The following RBFOX1 variants were observed in gnomAD, a reference collection of about 807,000 sequenced individuals.
RBFOX1 encodes the protein RNA binding protein fox-1 homolog 1.
In RBFOX1, 8 loss-of-function variants were observed where a neutral mutation model predicts 57.7. That is an observed-to-expected ratio of 0.14 (90% confidence interval 0.08 to 0.25). The LOEUF is 0.25. Among genes scored for constraint, RBFOX1 ranks in the 10% least tolerant of loss-of-function variants. RBFOX1 has a pLI of 1.00. For synonymous variants in RBFOX1, 326 were observed against 222.4 expected, an observed-to-expected ratio of 1.47 and a Z score of -4.15; for missense variants, 611 against 548.5, an observed-to-expected ratio of 1.11 and a Z score of -1.14.
chr16:7,415,968 T>C (rs748915164), intron 4 of RBFOX1, among the ~76,000 whole-genome samples: 1 of 152,164 alleles, frequency 6.6e-6, no homozygotes, highest in Non-Finnish European at 1.5e-5. Context: ...AAGTGAAACT[T>C]AGGACTGTCT....
intron 3 of RBFOX1, among the ~76,000 whole-genome samples, chr16:6,837,499 C>A (rs1039742870): frequency 6.6e-6 from 1 of 152,140 alleles, no homozygotes; most frequent in African/African-American, 2.4e-5. Flanking sequence ...TGAACATAAC[C>A]ATGTCCTATG....
chr16:6,697,261 C>A (rs2061193925), intron 3 of RBFOX1, among the ~76,000 whole-genome samples: 2 of 152,090 alleles, frequency 1.3e-5, no homozygotes, highest in African/African-American at 4.8e-5. Context: ...TTTAAATTTT[C>A]TGCATCTTAA....
intron 4 of RBFOX1, among the ~76,000 whole-genome samples, chr16:7,223,599 G>A (rs1434060950): frequency 6.6e-6 from 1 of 151,638 alleles, no homozygotes; most frequent in East Asian, 1.9e-4. Flanking sequence ...ATCCACCTCA[G>A]CTTAACTGCC....
chr16:6,962,159 C>G (rs1041042011), intron 3 of RBFOX1, among the ~76,000 whole-genome samples: 3 of 152,168 alleles, frequency 2.0e-5, no homozygotes, highest in Non-Finnish European at 4.4e-5. Context: ...TCCCTCCTTT[C>G]TACTTCCAAA....
In RBFOX1 at chr16:7,712,763, T is replaced by TC. The variant is rs1172450481; in HGVS notation, c.*2020dup. On this transcript the variant is annotated 3_prime_UTR_variant, in exon 16 of 16. Coordinates refer to ENST00000550418, the MANE Select transcript of RBFOX1 (RefSeq NM_018723.4). ...AACGAATTATTAAAACACTATGACA[T>TC]CCTCCAGAGGGAAGAAAGAGTAGGA... 2 of 152,064 alleles carry TC rather than the reference T, an allele frequency of 1.3e-5. No homozygotes were observed. Among genetic ancestry groups the TC allele is most frequent in the African/African-American group, 4.8e-5 (2 of 41,392 alleles). 9.4% of individuals were successfully genotyped at this position (152,064 alleles called of 1,614,324 possible).
At chr16:6,944,487 A>G (rs1047749706) in intron 3 of RBFOX1, among the ~76,000 whole-genome samples, 1 of 152,098 alleles carries the variant, frequency 6.6e-6, no homozygotes, top group African/African-American at 2.4e-5. Flanking sequence ...ATCTCCACAT[A>G]GGTGACAGTG....
chr16:7,324,370 G>GGGTCCT (rs71391621), intron 4 of RBFOX1, among the ~76,000 whole-genome samples: 6,451 of 152,216 alleles, frequency 0.042, 162 homozygotes, highest in South Asian at 0.076. Flanking sequence ...AGCTCCTGTA[G>GGGTCCT]GGTCCTGGAG....
At chr16:6,075,810 A>G (rs1486726964) in intron 1 of RBFOX1, among the ~76,000 whole-genome samples, 1 of 152,234 alleles carries the variant, frequency 6.6e-6, no homozygotes, top group African/African-American at 2.4e-5. Flanking sequence ...AATTAACTGT[A>G]ACTATCTCAA....
chr16:5,542,940 A>G (rs59189370), intron 2 of RBFOX1, among the ~76,000 whole-genome samples: 43,777 of 152,114 alleles, frequency 0.29, 7,010 homozygotes, highest in Non-Finnish European at 0.36. Flanking sequence ...GTGCTCAGTC[A>G]TGGCTGAGAA....
intron 2 of RBFOX1, among the ~76,000 whole-genome samples, chr16:6,566,463 T>A (rs975264716): frequency 6.6e-6 from 1 of 152,200 alleles, no homozygotes; most frequent in African/African-American, 2.4e-5. Context: ...GAGCCTAGTT[T>A]GAAATGTTGG....
intron 3 of RBFOX1, among the ~76,000 whole-genome samples, chr16:6,753,796 G>T (rs2075348590): frequency 6.6e-6 from 1 of 152,134 alleles, no homozygotes. Context: ...CACAGCTGAG[G>T]CTGTTGCCTG....
intron 1 of RBFOX1, among the ~76,000 whole-genome samples, chr16:5,464,452 C>T (rs953471578): frequency 6.6e-6 from 1 of 152,220 alleles, no homozygotes. Context: ...AAGGGAGAGT[C>T]ACTGGAGAGC....
chr16:5,523,079 A>T (rs907834716), intron 2 of RBFOX1, among the ~76,000 whole-genome samples: 1 of 152,090 alleles, frequency 6.6e-6, no homozygotes, highest in Non-Finnish European at 1.5e-5. Context: ...CAAGGTCAGG[A>T]GTTCGAGACT....
At chr16:5,995,771 G>A (rs912137083) in intron 4 of RBFOX1, among the ~76,000 whole-genome samples, 3 of 152,150 alleles carry the variant, frequency 2.0e-5, no homozygotes, top group African/African-American at 7.2e-5. Context: ...CCATAAATAG[G>A]GTAGGGAGGG....
intron 4 of RBFOX1, among the ~76,000 whole-genome samples, chr16:7,412,147 A>G (rs2098435314): frequency 6.6e-6 from 1 of 152,116 alleles, no homozygotes; most frequent in Non-Finnish European, 1.5e-5. Context: ...ATAATAGTGA[A>G]AATTGGCTGG....
intron 5 of RBFOX1, among the ~76,000 whole-genome samples, chr16:7,531,299 C>A (rs917293778): frequency 6.6e-6 from 1 of 152,084 alleles, no homozygotes; most frequent in East Asian, 1.9e-4. Flanking sequence ...GAGGAAGCAG[C>A]GATCATTTAT....
At chr16:6,461,071 G>A (rs753026182) in intron 2 of RBFOX1, among the ~76,000 whole-genome samples, 4 of 152,122 alleles carry the variant, frequency 2.6e-5, no homozygotes, top group Non-Finnish European at 4.4e-5. Context: ...GATAGACACA[G>A]AGAGGGGAAC....
At chr16:6,808,294 C>T (rs1279440074) in intron 3 of RBFOX1, among the ~76,000 whole-genome samples, 1 of 151,578 alleles carries the variant, frequency 6.6e-6, no homozygotes, top group Non-Finnish European at 1.5e-5. Flanking sequence ...TTTTTCTCTC[C>T]TGCCTTTCTA....
At chr16:6,077,178 C>G (rs937153673) in intron 1 of RBFOX1, among the ~76,000 whole-genome samples, 5 of 152,150 alleles carry the variant, frequency 3.3e-5, no homozygotes, top group Admixed American at 6.5e-5. Flanking sequence ...AAAGTTCAGC[C>G]TCTTGCAACA....
Sources: allele counts gnomAD v4.1 joint callset (sites outside exome capture counted in the v4.1 genomes callset), GRCh38; gene constraint gnomAD v4.1.1; transcripts MANE v1.5; gene names NCBI Gene and HGNC (gene_info 2026-07-23, HGNC 2026-07-21).